Variants in SVEP1 observed in about 807,000 individuals in gnomAD.
SVEP1 encodes sushi, von Willebrand factor type A, EGF and pentraxin domain containing 1.
In SVEP1, 164 loss-of-function variants were observed where a neutral mutation model predicts 367.3. The ratio of observed to expected loss-of-function variants is 0.45; its 90% CI spans 0.39 to 0.51. SVEP1 has a LOEUF of 0.51. SVEP1 is among the 20% of genes least tolerant of loss of function. SVEP1 has a pLI of 0.00. For synonymous variants in SVEP1, 1,666 were observed against 1,611.6 expected, an observed-to-expected ratio of 1.03 and a Z score of -0.81; for missense variants, 4,117 against 4,425.3, an observed-to-expected ratio of 0.93 and a Z score of 1.98.
At chr9:110,575,352 G>T (rs977886853) in intron 1 of SVEP1, among the ~76,000 whole-genome samples, 1 of 152,150 alleles carries the variant, frequency 6.6e-6, no homozygotes, top group Non-Finnish European at 1.5e-5. Flanking sequence ...CCCCGGGCAA[G>T]TCTGGCCAAG....
At chr9:110,541,030 C>G (rs548519219) in intron 3 of SVEP1, among the ~76,000 whole-genome samples, 5 of 152,242 alleles carry the variant, frequency 3.3e-5, no homozygotes, top group Admixed American at 3.3e-4. Context: ...CTCAAGGGTA[C>G]CTGTGAGATA....
At chr9:110,440,925 A>G (rs1383586820) in intron 27 of SVEP1, among the ~76,000 whole-genome samples, 1 of 148,734 alleles carries the variant, frequency 6.7e-6, no homozygotes, top group Non-Finnish European at 1.5e-5. Context: ...GCACAGCCAT[A>G]AATTAAAAGA....
At position 110,411,322 on chromosome 9, in the gene SVEP1, C is replaced by T. The variant is rs374286749; in HGVS notation, c.6389G>A (p.Gly2130Glu). ...TSAKIECMRG[G>E]QWNPSPMSIQ... ...GGACATGGGGGAAGGGTTCCACTGC[C>T]CACCTCTCATACATTCAATCTTTGC... Residue 2130 changes from glycine to glutamate, a missense_variant, in exon 37 of 48, where the codon GGG becomes GAG. By Grantham distance (98) the Gly-to-Glu change is moderately conservative. Around this residue, in one of 4 missense-constraint regions of SVEP1, gnomAD observed 1,765 missense variants for 1,781.1 expected, o/e 0.99. Coordinates refer to ENST00000374469, the MANE Select transcript of SVEP1 (RefSeq NM_153366.4). 21 of 1,613,890 alleles carry T rather than the reference C, an allele frequency of 1.3e-5. No homozygotes were observed. The highest frequency in any genetic ancestry group is 1.7e-5 in the Admixed American group (1 of 59,990).
At chr9:110,464,411 T>C (rs947972554) in intron 18 of SVEP1, among the ~76,000 whole-genome samples, 2 of 152,222 alleles carry the variant, frequency 1.3e-5, no homozygotes, top group Admixed American at 1.3e-4. Context: ...GGAGTATATA[T>C]AAACCTATAA....
chr9:110,383,186 A>G (rs1226032197), intron 43 of SVEP1, among the ~76,000 whole-genome samples: 1 of 151,960 alleles, frequency 6.6e-6, no homozygotes, highest in Non-Finnish European at 1.5e-5. Flanking sequence ...TTTTTTTCTC[A>G]TCTTCCTGAG....
At chr9:110,448,989 T>G (rs1009532731) in intron 24 of SVEP1, among the ~76,000 whole-genome samples, 1 of 152,092 alleles carries the variant, frequency 6.6e-6, no homozygotes, top group African/African-American at 2.4e-5. Flanking sequence ...GGGCTAGATC[T>G]TTTTTTTCTT....
chr9:110,455,221 G>A (rs148535839), intron 22 of SVEP1, among the ~76,000 whole-genome samples: 124 of 152,220 alleles, frequency 8.1e-4, no homozygotes, highest in African/African-American at 2.8e-3. Flanking sequence ...GGATGACCTT[G>A]TATTTGTAGT....
chr9:110,467,094 A>G (rs914717622), intron 17 of SVEP1, among the ~76,000 whole-genome samples: 11 of 152,292 alleles, frequency 7.2e-5, no homozygotes, highest in African/African-American at 2.6e-4. Flanking sequence ...GTCATTAAAC[A>G]CCCACACCTG....
chr9:110,466,756 A>T (rs28549252), intron 17 of SVEP1, among the ~76,000 whole-genome samples: 1 of 82,450 alleles, frequency 1.2e-5, no homozygotes, highest in Non-Finnish European at 2.3e-5. Context: ...GCGAGACTCC[A>T]TCTCAAAAAA....
intron 22 of SVEP1, 46 bp from the exon 23 acceptor site, chr9:110,451,448 C>G: frequency 7.1e-7 from 1 of 1,402,652 alleles, no homozygotes; most frequent in Non-Finnish European, 1.0e-6. Flanking sequence ...CTTGACAGAA[C>G]TTTAAGACCA....
intron 7 of SVEP1, 85 bp from the exon 8 acceptor site, chr9:110,497,018 T>TTAA: frequency 1.2e-6 from 1 of 836,794 alleles, no homozygotes; most frequent in Non-Finnish European, 1.8e-6. Context: ...TCTAGTTATA[T>TTAA]TAATACACTG....
intron 5 of SVEP1, among the ~76,000 whole-genome samples, chr9:110,505,255 C>A (rs1829606424): frequency 6.6e-6 from 1 of 152,194 alleles, no homozygotes; most frequent in South Asian, 2.1e-4. Context: ...GAGTCTCCAA[C>A]TGCCCACTCA....
At chr9:110,414,488 CTTTGTATGA>C (rs1828088673) in intron 36 of SVEP1, among the ~76,000 whole-genome samples, 1 of 151,906 alleles carries the variant, frequency 6.6e-6, no homozygotes, top group Non-Finnish European at 1.5e-5. Flanking sequence ...AGGCTCAGTT[CTTTGTATGA>C]AGATCTGAAC....
chr9:110,572,980 T>G (rs1185107027), intron 1 of SVEP1, among the ~76,000 whole-genome samples: 2 of 151,956 alleles, frequency 1.3e-5, no homozygotes, highest in East Asian at 3.8e-4. Flanking sequence ...TATATAATAC[T>G]AGGGATGATT....
rs117358443 is a variant in SVEP1 at position 110,424,205 on chromosome 9, T to C, written c.5975+3386A>G. On this transcript the variant is annotated intron_variant, in intron 36 of 47. Coordinates refer to ENST00000374469, the MANE Select transcript of SVEP1 (RefSeq NM_153366.4). Reference sequence around the variant, plus strand: ...CCAGGAAACATGCAAGAATATTTACTTCAGCACTTGTATTCAAACGAAGTA... The same window carrying C: ...CCAGGAAACATGCAAGAATATTTACCTCAGCACTTGTATTCAAACGAAGTA... Among the ~76,000 whole-genome samples, 8 of 152,352 alleles carry C rather than the reference T, an allele frequency of 5.3e-5. No individual in the cohort carries two copies. In the East Asian group the frequency reaches 1.5e-3, roughly 29 times the overall value.
intron 41 of SVEP1, among the ~76,000 whole-genome samples, chr9:110,388,797 C>T (rs1283623283): frequency 6.6e-6 from 1 of 151,718 alleles, no homozygotes; most frequent in South Asian, 2.1e-4. Context: ...GGTGAAACCC[C>T]GTCTCTACTG....
chr9:110,436,654 A>G (rs1828434319), intron 27 of SVEP1, 150 bp from the exon 28 acceptor site: 1 of 1,150,864 alleles, frequency 8.7e-7, no homozygotes, highest in African/African-American at 1.6e-5. Flanking sequence ...TGCAGGTTTT[A>G]TCAATAAGAA....
chr9:110,492,976 G>A (rs1463498108), intron 8 of SVEP1, among the ~76,000 whole-genome samples: 2 of 152,084 alleles, frequency 1.3e-5, no homozygotes, highest in African/African-American at 4.8e-5. Context: ...TGAGCAATAT[G>A]GACAGACTGG....
chr9:110,384,871 T>C (rs762594629), intron 43 of SVEP1, among the ~76,000 whole-genome samples: 1 of 152,244 alleles, frequency 6.6e-6, no homozygotes, highest in Non-Finnish European at 1.5e-5. Context: ...TGCAGCCTTG[T>C]GCCTTGCCTC....
Sources: gnomAD v4.1 joint callset for allele counts (sites outside exome capture counted in the v4.1 genomes callset) on GRCh38, gnomAD v4.1.1 for gene constraint, gnomAD v4.1.1 regional missense constraint, MANE v1.5 for transcripts, NCBI Gene and HGNC (gene_info 2026-07-23, HGNC 2026-07-21) for gene names.